The following ADGRB3 variants were observed in gnomAD, a reference collection of about 807,000 sequenced individuals.
The protein encoded by ADGRB3 is adhesion G protein-coupled receptor B3.
ADGRB3 carries 37 observed loss-of-function variants against 193.4 expected under a neutral mutation model. The observed-to-expected ratio is 0.19, with a 90% CI of 0.15 to 0.25. The LOEUF (loss-of-function observed/expected upper bound fraction) is 0.25. Ranked by LOEUF, ADGRB3 falls within the 10% of genes least tolerant of loss-of-function variation. ADGRB3 has a pLI of 1.00. For synonymous variants in ADGRB3, 690 were observed against 644.2 expected, an observed-to-expected ratio of 1.07 and a Z score of -1.08; for missense variants, 1,637 against 1,852.9, an observed-to-expected ratio of 0.88 and a Z score of 2.14.
chr6:68,965,104 AAC>A (rs1260664851), intron 8 of ADGRB3, among the ~76,000 whole-genome samples: 7 of 152,218 alleles, frequency 4.6e-5, no homozygotes, highest in African/African-American at 1.7e-4. Context: ...TAAAATATAT[AAC>A]ACAGTAAGAA....
intron 13 of ADGRB3, among the ~76,000 whole-genome samples, chr6:69,034,391 A>T (rs931869907): frequency 6.6e-6 from 1 of 151,590 alleles, no homozygotes; most frequent in Non-Finnish European, 1.5e-5. Flanking sequence ...TTTTAGAAAT[A>T]TGGAATATTT....
intron 17 of ADGRB3, among the ~76,000 whole-genome samples, chr6:69,209,816 ACTT>A (rs1291180876): frequency 1.3e-5 from 2 of 152,208 alleles, no homozygotes; most frequent in African/African-American, 4.8e-5. Context: ...GAGTCACTAA[ACTT>A]CTTGCCTCTC....
At chr6:68,796,051 C>CA (rs1178449020) in intron 3 of ADGRB3, among the ~76,000 whole-genome samples, 1 of 151,754 alleles carries the variant, frequency 6.6e-6, no homozygotes, top group Non-Finnish European at 1.5e-5. Flanking sequence ...TGTGAAAGAA[C>CA]AAAAAAAGCT....
intron 20 of ADGRB3, among the ~76,000 whole-genome samples, chr6:69,294,757 G>C (rs905811007): frequency 6.6e-5 from 10 of 152,056 alleles, no homozygotes; most frequent in African/African-American, 2.4e-4. Flanking sequence ...TCAATTCCTA[G>C]TTGTTTTTTT....
chr6:69,268,743 A>G lies in ADGRB3; in HGVS notation c.2814+29517A>G, dbSNP rs536119397. On this transcript the variant is annotated intron_variant, in intron 20 of 31. Coordinates refer to ENST00000370598, the MANE Select transcript of ADGRB3 (RefSeq NM_001704.3). ...TGTCATTCATGATTACTCTCTGTTCATTAGAGAAAAGCCTCTTTTCACCTT... is the reference window on the plus strand; with the variant it reads ...TGTCATTCATGATTACTCTCTGTTCGTTAGAGAAAAGCCTCTTTTCACCTT... 2.6e-5 allele frequency among the ~76,000 whole-genome samples: 4 copies of G among 152,226 alleles called. No individual in the cohort carries two copies. In the South Asian group the frequency reaches 8.3e-4, roughly 32 times the overall value.
intron 20 of ADGRB3, among the ~76,000 whole-genome samples, chr6:69,265,250 T>C (rs956570959): frequency 6.6e-6 from 1 of 152,000 alleles, no homozygotes; most frequent in African/African-American, 2.4e-5. Flanking sequence ...GATGCTCATA[T>C]GCAGCTAGAA....
At chr6:69,056,081 C>T (rs146783517) in intron 15 of ADGRB3, among the ~76,000 whole-genome samples, 75 of 152,192 alleles carry the variant, frequency 4.9e-4, no homozygotes, top group African/African-American at 1.7e-3. Flanking sequence ...TCGCCACCCT[C>T]GGCCTCTCAA....
intron 3 of ADGRB3, among the ~76,000 whole-genome samples, chr6:68,786,872 C>A (rs1164512880): frequency 1.3e-5 from 2 of 151,896 alleles, no homozygotes; most frequent in African/African-American, 2.4e-5. Flanking sequence ...TTCTTCACAT[C>A]CCTTGTAAGT....
intron 17 of ADGRB3, among the ~76,000 whole-genome samples, chr6:69,156,783 A>G (rs984060986): frequency 2.0e-5 from 3 of 152,234 alleles, no homozygotes; most frequent in Non-Finnish European, 4.4e-5. Flanking sequence ...ACACCAGCTA[A>G]TTGTCAATTT....
At chr6:68,863,279 G>T (rs1048630116) in intron 3 of ADGRB3, among the ~76,000 whole-genome samples, 3 of 151,844 alleles carry the variant, frequency 2.0e-5, no homozygotes, top group Non-Finnish European at 4.4e-5. Flanking sequence ...AAAAGAAATG[G>T]TCAAATATAT....
intron 15 of ADGRB3, among the ~76,000 whole-genome samples, chr6:69,060,228 C>CTCTCTCTCTA (rs1554255622): frequency 6.6e-6 from 1 of 150,702 alleles, no homozygotes; most frequent in African/African-American, 2.5e-5. Flanking sequence ...CTTTCTCTCT[C>CTCTCTCTCTA]TCTCTCTCTC....
At chr6:69,031,519 C>CCCTT (rs1770684976) in intron 13 of ADGRB3, among the ~76,000 whole-genome samples, 2 of 21,268 alleles carry the variant, frequency 9.4e-5, no homozygotes, top group East Asian at 3.2e-3. Context: ...TTTGAGTTGT[C>CCCTT]TCTTTCTTTC....
At chr6:68,724,334 A>T (rs1184860476) in intron 3 of ADGRB3, among the ~76,000 whole-genome samples, 1 of 151,666 alleles carries the variant, frequency 6.6e-6, no homozygotes, top group Non-Finnish European at 1.5e-5. Context: ...ACTAAATAAG[A>T]GATTCTATGG....
intron 3 of ADGRB3, among the ~76,000 whole-genome samples, chr6:68,845,958 A>C (rs1368887970): frequency 6.6e-6 from 1 of 152,198 alleles, no homozygotes; most frequent in Admixed American, 6.5e-5. Context: ...GGGAAAGTTT[A>C]GAACTTCCTA....
intron 11 of ADGRB3, among the ~76,000 whole-genome samples, chr6:69,002,257 T>A (rs1769602693): frequency 6.6e-6 from 1 of 150,860 alleles, no homozygotes; most frequent in African/African-American, 2.4e-5. Context: ...TTTTGCTCTG[T>A]CGCCAGGCTG....
chr6:69,388,569 G>T, intron 31 of ADGRB3, 134 bp from the exon 32 acceptor site: 1 of 763,746 alleles, frequency 1.3e-6, no homozygotes, highest in Non-Finnish European at 2.1e-6. Context: ...TCCCACAGTT[G>T]GCCGTATTTT....
intron 17 of ADGRB3, among the ~76,000 whole-genome samples, chr6:69,179,586 T>C (rs1300683404): frequency 6.6e-6 from 1 of 152,228 alleles, no homozygotes; most frequent in Non-Finnish European, 1.5e-5. Context: ...TGAACTTGTT[T>C]CTTCTCATCT....
chr6:69,117,900 G>A (rs1203102723), intron 17 of ADGRB3, among the ~76,000 whole-genome samples: 2 of 152,162 alleles, frequency 1.3e-5, no homozygotes, highest in Non-Finnish European at 2.9e-5. Flanking sequence ...TTTCTGGAAT[G>A]ACTATATTAA....
At chr6:68,931,152 T>G (rs1007906724) in intron 4 of ADGRB3, among the ~76,000 whole-genome samples, 13 of 152,072 alleles carry the variant, frequency 8.5e-5, no homozygotes, top group Admixed American at 8.5e-4. Context: ...AATTTTTATT[T>G]GAAAAGAGTT....
Sources: gnomAD v4.1 joint callset for allele counts (sites outside exome capture counted in the v4.1 genomes callset) on GRCh38, gnomAD v4.1.1 for gene constraint, MANE v1.5 for transcripts, NCBI Gene and HGNC (gene_info 2026-07-23, HGNC 2026-07-21) for gene names.